Variants in CDKN2B-AS1 observed in about 807,000 individuals in gnomAD.
The protein encoded by CDKN2B-AS1 is CDKN2B antisense RNA 1 (non-protein coding).
chr9:22,061,613 C>G (rs1823822662), intron 4 of CDKN2B-AS1, among the ~76,000 whole-genome samples: 1 of 152,014 alleles, frequency 6.6e-6, no homozygotes, highest in African/African-American at 2.4e-5. Context: ...AGTAGTAGTG[C>G]TATGTTTAAA....
chr9:22,011,434 C>G (rs1238720857), intron 1 of CDKN2B-AS1, among the ~76,000 whole-genome samples: 1 of 152,188 alleles, frequency 6.6e-6, no homozygotes, highest in East Asian at 1.9e-4. Flanking sequence ...TCCTCTGTGG[C>G]ATGTGTCCAT....
In CDKN2B-AS1 at chr9:22,045,934, G is replaced by A. The variant is rs147964079; in HGVS notation, n.30-817G>A. On this transcript the variant is annotated intron_variant and non_coding_transcript_variant, in intron 1 of 4. Transcript: ENST00000650946. Reference sequence around the variant, plus strand: ...ATACAATACTATACTACACAAATTGGACCTAAAATGAATTCTCTTGCTATA... The same window carrying A: ...ATACAATACTATACTACACAAATTGAACCTAAAATGAATTCTCTTGCTATA... 5.9e-5 allele frequency among the ~76,000 whole-genome samples: 9 copies of A among 152,070 alleles called. 1 individual carries two copies. The highest frequency in any genetic ancestry group is 2.2e-4 in the African/African-American group (9 of 41,504).
rs1336403230 is a variant in CDKN2B-AS1 at position 21,999,547 on chromosome 9, A to G, written n.29+4386A>G. Among the ~76,000 whole-genome samples, 1 of 152,016 alleles carries G rather than the reference A, an allele frequency of 6.6e-6. No homozygotes were observed. Among genetic ancestry groups the G allele is most frequent in the Non-Finnish European group, 1.5e-5 (1 of 67,956 alleles). Reference sequence around the variant, plus strand: ...TTTATGTATGGATACATATGTATATATGGATAGATTTTACACCTACAGACA... The same window carrying G: ...TTTATGTATGGATACATATGTATATGTGGATAGATTTTACACCTACAGACA... On this transcript the variant is annotated intron_variant and non_coding_transcript_variant, in intron 1 of 4. Transcript: ENST00000650946. The surrounding 1 kb of genome is among the most constrained non-coding windows in gnomAD (Gnocchi z 4.7).
chr9:22,125,635 G>A (rs1563996060), intron 4 of CDKN2B-AS1, among the ~76,000 whole-genome samples: 1 of 152,200 alleles, frequency 6.6e-6, no homozygotes, highest in Non-Finnish European at 1.5e-5. Flanking sequence ...AAGATAAGTT[G>A]AGAATGTCAA....
chr9:22,066,345 C>T (rs568387312), intron 4 of CDKN2B-AS1: 3 of 152,088 alleles, frequency 2.0e-5, no homozygotes, highest in African/African-American at 7.2e-5. Flanking sequence ...AGATGCACCA[C>T]CATGCATGGT....
chr9:22,077,089 C>T (rs1188993031), intron 4 of CDKN2B-AS1, among the ~76,000 whole-genome samples: 1 of 152,130 alleles, frequency 6.6e-6, no homozygotes, highest in Non-Finnish European at 1.5e-5. Context: ...TACATCTACC[C>T]ATTTCCTCCA....
chr9:22,002,228 T>C (rs1020898805), intron 1 of CDKN2B-AS1, among the ~76,000 whole-genome samples: 1 of 152,076 alleles, frequency 6.6e-6, no homozygotes, highest in African/African-American at 2.4e-5. Flanking sequence ...CAGACCTCAC[T>C]GTACTTTAGA....
intron 1 of CDKN2B-AS1, among the ~76,000 whole-genome samples, chr9:22,017,772 C>A (rs1407111364): frequency 1.3e-5 from 2 of 149,676 alleles, no homozygotes; most frequent in African/African-American, 5.1e-5. Flanking sequence ...AACAAAGGAA[C>A]CTTTTAAAGT....
chr9:22,084,822 A>G (rs1824811293), intron 4 of CDKN2B-AS1, among the ~76,000 whole-genome samples: 1 of 152,214 alleles, frequency 6.6e-6, no homozygotes, highest in African/African-American at 2.4e-5. Flanking sequence ...CATTATGAAG[A>G]CTGGCTGGTT....
chr9:22,028,213 CAT>C (rs35024237), intron 1 of CDKN2B-AS1, among the ~76,000 whole-genome samples: 42,202 of 151,762 alleles, frequency 0.28, 7,591 homozygotes, highest in Non-Finnish European at 0.41. Context: ...ACATATAAAA[CAT>C]ATAAAAATAT....
chr9:22,019,333 T>C (rs907882373), intron 1 of CDKN2B-AS1, among the ~76,000 whole-genome samples: 2 of 152,188 alleles, frequency 1.3e-5, no homozygotes, highest in African/African-American at 4.8e-5. Flanking sequence ...GTGGATTCTG[T>C]GGGCCAGTAG....
chr9:22,092,353 G>A (rs1302562300), intron 4 of CDKN2B-AS1: 1 of 152,198 alleles, frequency 6.6e-6, no homozygotes, highest in East Asian at 1.9e-4. Flanking sequence ...GAGTTGGGGA[G>A]AATTCCCTCT....
At chr9:22,026,352 G>A (rs1179109288) in intron 1 of CDKN2B-AS1, among the ~76,000 whole-genome samples, 2 of 152,186 alleles carry the variant, frequency 1.3e-5, no homozygotes, top group African/African-American at 2.4e-5. Flanking sequence ...GAATGGGATC[G>A]GGGACCAACT....
intron 3 of CDKN2B-AS1, among the ~76,000 whole-genome samples, chr9:22,055,558 TG>T (rs1193647677): frequency 6.6e-6 from 1 of 152,180 alleles, no homozygotes; most frequent in Non-Finnish European, 1.5e-5. Flanking sequence ...GGTTGTTTTT[TG>T]TTTTTTTGCC....
At chr9:22,094,117 C>G (rs1313959404) in intron 4 of CDKN2B-AS1, among the ~76,000 whole-genome samples, 3 of 144,192 alleles carry the variant, frequency 2.1e-5, no homozygotes, top group Non-Finnish European at 4.4e-5. Flanking sequence ...GTTGAAAATT[C>G]TTTTCTTTAA....
intron 4 of CDKN2B-AS1, among the ~76,000 whole-genome samples, chr9:22,102,171 A>G (rs1053173207): frequency 2.6e-5 from 4 of 152,206 alleles, no homozygotes; most frequent in Non-Finnish European, 4.4e-5. Context: ...AATGACAGGC[A>G]TTCCTTTGAA....
At chr9:22,020,391 C>G (rs568827681) in intron 1 of CDKN2B-AS1, among the ~76,000 whole-genome samples, 80 of 152,182 alleles carry the variant, frequency 5.3e-4, no homozygotes, top group Non-Finnish European at 9.7e-4. Context: ...GGGTGTATAC[C>G]CAGTAATGGG....
rs552740221 is a variant in CDKN2B-AS1 at position 21,999,707 on chromosome 9, T to G, written n.29+4546T>G. On this transcript the variant is annotated intron_variant and non_coding_transcript_variant, in intron 1 of 4. Coordinates refer to ENST00000650946, the Ensembl canonical transcript of CDKN2B-AS1. This position sits in a 1 kb window ranked among gnomAD's most constrained non-coding sequence, Gnocchi z 4.7. ...CAAAGTGCAAGAAAGAGAAAAATGA[T>G]TGACATGCTTGTGAGGAGACTTTTT... is the stretch of plus-strand genomic sequence containing the variant. Among the ~76,000 whole-genome samples, 1 of 152,254 alleles carries G rather than the reference T, an allele frequency of 6.6e-6. No individual in the cohort carries two copies. The highest frequency in any genetic ancestry group is 6.5e-5 in the Admixed American group (1 of 15,290).
intron 4 of CDKN2B-AS1, among the ~76,000 whole-genome samples, chr9:22,084,537 AT>A (rs200296291): frequency 6.6e-6 from 1 of 151,634 alleles, no homozygotes; most frequent in Non-Finnish European, 1.5e-5. Flanking sequence ...GGTAGGCTAC[AT>A]TTTTTTTACT....
Sources: allele counts gnomAD v4.1 joint callset (sites outside exome capture counted in the v4.1 genomes callset), GRCh38; gene constraint gnomAD v4.1.1; non-coding constraint Gnocchi (gnomAD v3.1); transcripts MANE v1.5; gene names NCBI Gene and HGNC (gene_info 2026-07-23, HGNC 2026-07-21).